ANKRD28: variants seen among roughly 807,000 people sequenced by gnomAD.
The protein encoded by ANKRD28 is ankyrin repeat domain 28, also known as serine/threonine-protein phosphatase 6 regulatory ankyrin repeat subunit A.
ANKRD28 carries 44 observed loss-of-function variants against 126.5 expected under a neutral mutation model. The ratio of observed to expected loss-of-function variants is 0.35; its 90% CI spans 0.27 to 0.45. The LOEUF (loss-of-function observed/expected upper bound fraction) is 0.45, where lower values mean the gene tolerates loss of function less well. Ranked by LOEUF, ANKRD28 falls within the 20% of genes least tolerant of loss-of-function variation. The probability of loss-of-function intolerance (pLI) is 1.00; values close to 1 mark genes in which losing one functional copy is unlikely to be tolerated. For missense variants in ANKRD28, 1,110 were observed against 1,316.6 expected (o/e 0.84, Z 2.43); for synonymous variants, 442 against 468.5 (o/e 0.94, Z 0.73).
intron 27 of ANKRD28, among the ~76,000 whole-genome samples, chr3:15,672,146 A>ATTT (rs869087310): frequency 1.5e-5 from 2 of 136,578 alleles, no homozygotes; most frequent in African/African-American, 2.7e-5. Context: ...TAAAAAAAGG[A>ATTT]TTTTTTTTTT....
intron 1 of ANKRD28, among the ~76,000 whole-genome samples, chr3:15,809,328 T>C (rs928200959): frequency 1.2e-4 from 19 of 152,190 alleles, no homozygotes; most frequent in African/African-American, 4.3e-4. Context: ...CTCCTTCTAG[T>C]TCTATACATC....
rs140955919 is a variant in ANKRD28, at chr3:15,743,918, T to C, written c.352-6685A>G. Among the ~76,000 whole-genome samples the C allele has an allele frequency of 3.2e-3, 491 of 152,340 alleles. 2 individuals carry two copies. The highest frequency in any genetic ancestry group is 6.8e-3 in the Middle Eastern group (2 of 294). ...GCATCTATCACTGTGCTAGCTATTC[T>C]GTCCTTAGGAGAATTTAGAAAACAG... On this transcript the variant is annotated intron_variant, in intron 4 of 27. Coordinates refer to ENST00000683139, the MANE Select transcript of ANKRD28 (RefSeq NM_001349278.2).
intron 3 of ANKRD28, chr3:15,756,567 G>A (rs1025438367): frequency 1.5e-5 from 14 of 928,760 alleles, no homozygotes; most frequent in Non-Finnish European, 1.8e-5. Context: ...TTAGTGGAAG[G>A]AACACTGGAG....
intron 1 of ANKRD28, among the ~76,000 whole-genome samples, chr3:15,851,267 T>G (rs2061645047): frequency 6.6e-6 from 1 of 152,012 alleles, no homozygotes; most frequent in Non-Finnish European, 1.5e-5. Flanking sequence ...GTGCAGTGGC[T>G]CACACCTGTA....
In ANKRD28 at chr3:15,786,880, A is replaced by T. The variant is rs147473513; in HGVS notation, c.201+8343T>A. The stretch of plus-strand genomic sequence containing the variant: ...TAAACATATGCACTAAAATTGCTTT[A>T]AATACTGAACCTAGAGGAAAGGTAG... On this transcript the variant is annotated intron_variant, in intron 2 of 27. Coordinates refer to ENST00000683139, the MANE Select transcript of ANKRD28 (RefSeq NM_001349278.2). Among the ~76,000 whole-genome samples, 160 of 152,268 alleles carry T rather than the reference A, an allele frequency of 1.1e-3. 2 individuals carry two copies. The East Asian group carries it at 0.02, about 19-fold the overall frequency.
chr3:15,681,916 C>T (rs1049315056), intron 21 of ANKRD28, among the ~76,000 whole-genome samples: 2 of 152,102 alleles, frequency 1.3e-5, no homozygotes, highest in Non-Finnish European at 1.5e-5. Flanking sequence ...TGGCCCAAAA[C>T]GTCATAGTGC....
chr3:15,719,699 C>G (rs556474331), intron 8 of ANKRD28, among the ~76,000 whole-genome samples: 7 of 151,872 alleles, frequency 4.6e-5, no homozygotes, highest in Admixed American at 1.3e-4. Flanking sequence ...CTCCTGAGTA[C>G]CTAGGACTAC....
intron 1 of ANKRD28, among the ~76,000 whole-genome samples, chr3:15,852,446 T>C (rs2061672683): frequency 2.0e-5 from 3 of 152,236 alleles, no homozygotes; most frequent in Non-Finnish European, 4.4e-5. Flanking sequence ...GATGTTTTAA[T>C]ATTATCTTTG....
intron 6 of ANKRD28, 30 bp from the exon 7 acceptor site, chr3:15,724,554 G>A (rs2074019123): frequency 3.3e-6 from 5 of 1,537,022 alleles, no homozygotes; most frequent in Non-Finnish European, 2.6e-6. Flanking sequence ...GAAAAAAATA[G>A]AGATGAGCAT....
At position 15,816,619 on chromosome 3, in the gene ANKRD28, T is replaced by C. The variant is rs1235423793; in HGVS notation, c.28-21313A>G. Among the ~76,000 whole-genome samples, 1 of 152,248 alleles carries C rather than the reference T, an allele frequency of 6.6e-6. No individual in the cohort carries two copies. Among genetic ancestry groups the C allele is most frequent in the Non-Finnish European group, 1.5e-5 (1 of 68,036 alleles). ...AAAAGGAAAAGTGTTTGGTGCCCTT[T>C]ATTTTACTACACTATTTAACCCACT... On this transcript the variant is annotated intron_variant, in intron 1 of 27. Coordinates refer to the ANKRD28 transcript ENST00000399451. The surrounding 1 kb of genome is among the most constrained non-coding windows in gnomAD (Gnocchi z 5.0).
chr3:15,753,779 C>A (rs1180819079), intron 3 of ANKRD28, among the ~76,000 whole-genome samples: 2 of 152,012 alleles, frequency 1.3e-5, no homozygotes, highest in South Asian at 2.1e-4. Flanking sequence ...CCTGCCTCTA[C>A]TAAAAATACA....
At chr3:15,783,899 C>A (rs984858846) in intron 2 of ANKRD28, among the ~76,000 whole-genome samples, 1 of 151,716 alleles carries the variant, frequency 6.6e-6, no homozygotes, top group Non-Finnish European at 1.5e-5. Flanking sequence ...TGCAGAAAAT[C>A]AAAGATAAAT....
chr3:15,768,367 A>G (rs537254193), intron 2 of ANKRD28, among the ~76,000 whole-genome samples: 123 of 152,326 alleles, frequency 8.1e-4, no homozygotes, highest in African/African-American at 2.9e-3. Context: ...GCTTAGCTGT[A>G]GTATGTGATG....
At chr3:15,766,171 G>C in intron 3 of ANKRD28, 63 bp downstream of exon 3, 2 of 1,296,640 alleles carry the variant, frequency 1.5e-6, no homozygotes, top group Non-Finnish European at 2.2e-6. Flanking sequence ...AATTATGATT[G>C]AGAAACATTA....
intron 4 of ANKRD28, among the ~76,000 whole-genome samples, chr3:15,740,430 T>A (rs984435002): frequency 6.6e-6 from 1 of 152,154 alleles, no homozygotes; most frequent in African/African-American, 2.4e-5. Context: ...TCACAAAAAT[T>A]ATGGAAAACA....
chr3:15,819,109 C>T (rs2060890274), intron 1 of ANKRD28, among the ~76,000 whole-genome samples: 1 of 152,038 alleles, frequency 6.6e-6, no homozygotes, highest in East Asian at 1.9e-4. Context: ...AAGACCCTGT[C>T]TCTACAAAAA....
At chr3:15,701,226 C>T (rs2070555499) in intron 14 of ANKRD28, among the ~76,000 whole-genome samples, 1 of 152,148 alleles carries the variant, frequency 6.6e-6, no homozygotes, top group South Asian at 2.1e-4. Flanking sequence ...ATGCTTTAGA[C>T]CTCTTAGAAA....
chr3:15,722,587 A>G (rs2073844380), intron 7 of ANKRD28, among the ~76,000 whole-genome samples: 2 of 152,128 alleles, frequency 1.3e-5, no homozygotes, highest in Non-Finnish European at 2.9e-5. Flanking sequence ...AGCCCTCTAA[A>G]CTTATAGTTG....
In ANKRD28 at chr3:15,668,881, T is replaced by C. The variant is rs2066123889; in HGVS notation, c.*1389A>G. The C allele has an allele frequency of 2.6e-5, 4 of 152,666 alleles. No individual in the cohort carries two copies. Among genetic ancestry groups the C allele is most frequent in the Admixed American group, 2.6e-4 (4 of 15,290 alleles). The allele number at this position is 152,666 out of a possible 1,614,324, so 9.5% of individuals were successfully genotyped here. On this transcript the variant is annotated 3_prime_UTR_variant, in exon 28 of 28. Coordinates refer to ENST00000683139, the MANE Select transcript of ANKRD28 (RefSeq NM_001349278.2). ...TAAAATGAAATTGGGTATCATTTTG[T>C]TGCAATTTATAGAACTTTACCCATA...
Sources: gnomAD v4.1 joint callset for allele counts (sites outside exome capture counted in the v4.1 genomes callset) on GRCh38, gnomAD v4.1.1 for gene constraint, Gnocchi (gnomAD v3.1) non-coding constraint, MANE v1.5 for transcripts, NCBI Gene and HGNC (gene_info 2026-07-23, HGNC 2026-07-21) for gene names.